The following MORN4 variants were observed in gnomAD, a reference collection of about 807,000 sequenced individuals.
The protein encoded by MORN4 is MORN repeat-containing protein 4.
Under a neutral mutation model 16.4 loss-of-function variants are expected in MORN4, and 8 were observed. That is an observed-to-expected ratio of 0.49 (90% CI 0.29 to 0.88). MORN4 has a LOEUF of 0.88. MORN4 is among the 40% of genes least tolerant of loss of function. The probability of loss-of-function intolerance (pLI) is 0.09; values close to 1 mark genes in which losing one functional copy is unlikely to be tolerated. For missense variants in MORN4, 159 were observed against 182.9 expected (o/e 0.87, Z 0.75); for synonymous variants, 53 against 68.9 (o/e 0.77, Z 1.14).
At chr10:97,625,631 A>T (rs547538993) in intron 1 of MORN4, among the ~76,000 whole-genome samples, 1 of 152,202 alleles carries the variant, frequency 6.6e-6, no homozygotes, top group East Asian at 1.9e-4. Context: ...TTCAAACAAC[A>T]CTTTGAAAAA....
At chr10:97,620,006 G>C (rs180803635) in intron 1 of MORN4, among the ~76,000 whole-genome samples, 85 of 152,166 alleles carry the variant, frequency 5.6e-4, no homozygotes, top group Admixed American at 1.8e-3. Context: ...ATAAAATACA[G>C]TATCTTCCCT....
At chr10:97,631,306 C>A (rs1292354967) in intron 1 of MORN4, among the ~76,000 whole-genome samples, 1 of 152,122 alleles carries the variant, frequency 6.6e-6, no homozygotes, top group Non-Finnish European at 1.5e-5. Context: ...AGACACTCAC[C>A]CTTTCTGCAC....
intron 1 of MORN4, among the ~76,000 whole-genome samples, chr10:97,632,212 CTTT>C (rs1162979185): frequency 6.9e-5 from 6 of 86,970 alleles, no homozygotes; most frequent in African/African-American, 1.5e-4. Context: ...TAATACTCCC[CTTT>C]TTTTTTTTTT....
At chr10:97,631,846 G>A (rs2041398457) in intron 1 of MORN4, among the ~76,000 whole-genome samples, 1 of 152,068 alleles carries the variant, frequency 6.6e-6, no homozygotes, top group South Asian at 2.1e-4. Flanking sequence ...GAGGTAGGAG[G>A]ATTGCTTGAG....
intron 1 of MORN4, among the ~76,000 whole-genome samples, chr10:97,623,423 G>C (rs1445732343): frequency 3.3e-5 from 5 of 152,086 alleles, no homozygotes; most frequent in Non-Finnish European, 5.9e-5. Context: ...CTGGGTGACA[G>C]AGCGAGACCC....
In MORN4 at chr10:97,616,281, G is replaced by T; in HGVS notation, c.423C>A (p.Ala141=). 6.2e-7 allele frequency: 1 copy of T among 1,603,632 alleles called. No individual in the cohort carries two copies. Among genetic ancestry groups the T allele is most frequent in the Non-Finnish European group, 8.5e-7 (1 of 1,174,966 alleles). The change falls in exon 5 of 5, where the codon GCC becomes GCA. Residue 141 remains alanine, a synonymous_variant. Coordinates refer to ENST00000307450, the MANE Select transcript of MORN4 (RefSeq NM_178832.4). ...TGCGCTGTCAGGCAGTGAGATTTCT[G>T]GCTGACTTGGAGGCGCTCTGGGCCC... The part of the protein sequence containing the change: ...VQRAQSASKS[A]RNLTA
chr10:97,617,850 C>A (rs2041250445), intron 2 of MORN4, among the ~76,000 whole-genome samples: 1 of 151,488 alleles, frequency 6.6e-6, no homozygotes, highest in Admixed American at 6.6e-5. Context: ...CAGAGTGAGA[C>A]TCCGTCTCAA....
intron 1 of MORN4, among the ~76,000 whole-genome samples, chr10:97,620,508 GAAA>G (rs796870489): frequency 2.3e-5 from 2 of 88,296 alleles, no homozygotes; most frequent in African/African-American, 4.2e-5. Flanking sequence ...AAAAAAAAAA[GAAA>G]AAAAAAAGAA....
At chr10:97,625,098 C>T (rs2041335996) in intron 1 of MORN4, among the ~76,000 whole-genome samples, 2 of 152,164 alleles carry the variant, frequency 1.3e-5, no homozygotes, top group African/African-American at 4.8e-5. Flanking sequence ...AACTAAGGTG[C>T]AGAGAGGATA....
In MORN4 at chr10:97,619,549, A is replaced by G. The variant is rs1395810626; in HGVS notation, c.67+38T>C. 4 of 1,434,680 alleles carry G rather than the reference A, an allele frequency of 2.8e-6. No individual in the cohort carries two copies. The South Asian group carries it at 4.6e-5, about 16-fold the overall frequency. 88.9% of individuals were successfully genotyped at this position (1,434,680 alleles called of 1,614,324 possible). ...GATGTATTTGTCCTCCAGCAAATGA[A>G]GTGTTCATCATGGATACTCCCCAGG... is the stretch of plus-strand genomic sequence containing the variant. On this transcript the variant is annotated intron_variant, in intron 2 of 4. Transcript: ENST00000307450.
rs1476591930 is a variant in MORN4 at position 97,617,383 on chromosome 10, C to T, written c.68-61G>A. On this transcript the variant is annotated intron_variant, in intron 2 of 4. Transcript: ENST00000307450. ...GAGGCAGCTTCAGGGTCCCTTCTTA[C>T]TCTTGTAGCATCCCTTACCTGCCAT... The T allele has an allele frequency of 3.9e-6, 5 of 1,269,026 alleles. No homozygotes were observed. In the Admixed American group the frequency reaches 6.7e-5, roughly 17 times the overall value. The allele number at this position is 1,269,026 out of a possible 1,614,324, so 78.6% of individuals were successfully genotyped here.
upstream of MORN4, chr10:97,633,603 A>T: frequency 1.6e-6 from 2 of 1,288,914 alleles, no homozygotes; most frequent in Non-Finnish European, 2.0e-6. This position sits in a 1 kb window ranked among gnomAD's most constrained non-coding sequence, Gnocchi z 4.5. Flanking sequence ...TGCGGGGCCG[A>T]GTGTTTGCGA....
Position 97,615,985 on chromosome 10 carries a change from G to A in MORN4, c.*278C>T. On this transcript the variant is annotated 3_prime_UTR_variant, in exon 5 of 5. Transcript: ENST00000307450. ...TGGGTAACCTGAGGTCTTAGGAACA[G>A]AGTATCAACCAGTGAGAAGAGGTGG... 3.6e-6 allele frequency: 1 copy of A among 276,200 alleles called. No homozygotes were observed. The highest frequency in any genetic ancestry group is 6.8e-6 in the Non-Finnish European group (1 of 148,070). 17.1% of individuals were successfully genotyped at this position (276,200 alleles called of 1,614,324 possible).
intron 4 of MORN4, 117 bp from the exon 5 acceptor site, chr10:97,616,528 T>A: frequency 7.7e-7 from 1 of 1,300,134 alleles, no homozygotes; most frequent in Non-Finnish European, 1.1e-6. Flanking sequence ...CCAGCTCTAC[T>A]CAGGAGTACT....
Position 97,619,614 on chromosome 10 carries a change from C to G in MORN4, c.40G>C (p.Glu14Gln). Residue 14 changes from glutamate (E) to glutamine (Q), a missense_variant, in exon 2 of 5, where the codon GAG becomes CAG. Glu to Gln is a conservative substitution (Grantham distance 29). Coordinates refer to ENST00000307450, the MANE Select transcript of MORN4 (RefSeq NM_178832.4). The part of the protein sequence containing the change: ...TKGSFTYSSG[E>Q]EYRGEWKEGR... ...TCCTTCCACTCGCCACGATATTCCT[C>G]CCCACTGGAGTAGGTGAAGGAACCT... The G allele has an allele frequency of 6.2e-7, 1 of 1,613,930 alleles. No individual in the cohort carries two copies. Among genetic ancestry groups the G allele is most frequent in the South Asian group, 1.1e-5 (1 of 91,086 alleles).
intron 1 of MORN4, among the ~76,000 whole-genome samples, chr10:97,626,979 A>G (rs532850308): frequency 6.7e-6 from 1 of 148,366 alleles, no homozygotes; most frequent in South Asian, 2.1e-4. Context: ...CTGGTCTTGA[A>G]CTCCTGACCT....
chr10:97,628,177 T>C (rs2041363701), intron 1 of MORN4, among the ~76,000 whole-genome samples: 1 of 152,206 alleles, frequency 6.6e-6, no homozygotes, highest in African/African-American at 2.4e-5. Context: ...AATCTTATAA[T>C]TAAACAACCA....
rs1298054070 is a variant in MORN4 at position 97,619,569 on chromosome 10, C to T, written c.67+18G>A. The T allele has an allele frequency of 6.3e-7, 1 of 1,579,842 alleles. No homozygotes were observed. The highest frequency in any genetic ancestry group is 1.1e-5 in the South Asian group (1 of 90,430). On this transcript the variant is annotated intron_variant, in intron 2 of 4. Coordinates refer to ENST00000307450, the MANE Select transcript of MORN4 (RefSeq NM_178832.4). The stretch of plus-strand genomic sequence containing the variant: ...AATGAAGTGTTCATCATGGATACTC[C>T]CCAGGGGTCCTTCTCACCCTCCTTC...
In MORN4 at chr10:97,616,752, C is replaced by T. The variant is rs2041239807; in HGVS notation, c.218G>A (p.Gly73Asp). 1 of 1,614,114 alleles carries T rather than the reference C, an allele frequency of 6.2e-7. No individual in the cohort carries two copies. ...EGEFAQGKFNGVGVFIRYDNM... is the reference protein window; with the variant it reads ...EGEFAQGKFNDVGVFIRYDNM... ...GTCATATCGAATGAAGACTCCGACG[C>T]CATTAAACTTGCCCTGGGCAAACTC... Residue 73 changes from glycine to aspartate, a missense_variant, in exon 4 of 5, where the codon GGC becomes GAC. Coordinates refer to ENST00000307450, the MANE Select transcript of MORN4 (RefSeq NM_178832.4).
Sources: gnomAD v4.1 joint callset for allele counts (sites outside exome capture counted in the v4.1 genomes callset) on GRCh38, gnomAD v4.1.1 for gene constraint, Gnocchi (gnomAD v3.1) non-coding constraint, MANE v1.5 for transcripts, NCBI Gene and HGNC (gene_info 2026-07-23, HGNC 2026-07-21) for gene names.